Variants in CADM2 observed in about 807,000 individuals in gnomAD.
CADM2 encodes the protein cell adhesion molecule 2.
In CADM2, 12 loss-of-function variants were observed where a neutral mutation model predicts 49.8. That is an observed-to-expected ratio of 0.24 (90% CI 0.15 to 0.39). The LOEUF (loss-of-function observed/expected upper bound fraction) is 0.39, where lower values mean the gene tolerates loss of function less well. Among genes scored for constraint, CADM2 ranks in the 10% least tolerant of loss-of-function variants. CADM2 has a pLI of 1.00. For missense variants in CADM2, 378 were observed against 492.3 expected, an observed-to-expected ratio of 0.77 and a Z score of 2.20; for synonymous variants, 214 against 175.4, an observed-to-expected ratio of 1.22 and a Z score of -1.74.
intron 1 of CADM2, among the ~76,000 whole-genome samples, chr3:85,632,630 A>T (rs1308650221): frequency 2.0e-5 from 3 of 152,106 alleles, no homozygotes; most frequent in Non-Finnish European, 4.4e-5. Context: ...GAGGATGCTC[A>T]TGACAGCAAC....
intron 1 of CADM2, among the ~76,000 whole-genome samples, chr3:85,369,585 C>T (rs1313974705): frequency 6.6e-6 from 1 of 152,142 alleles, no homozygotes; most frequent in African/African-American, 2.4e-5. Flanking sequence ...GCCTGACCAA[C>T]ATGGAGAACC....
At chr3:85,808,124 A>G (rs1004389758) in intron 3 of CADM2, among the ~76,000 whole-genome samples, 3 of 152,208 alleles carry the variant, frequency 2.0e-5, no homozygotes, top group Admixed American at 6.5e-5. Flanking sequence ...TCGAAATTCA[A>G]TTACAATTCC....
intron 1 of CADM2, among the ~76,000 whole-genome samples, chr3:85,628,767 G>A (rs1263311316): frequency 1.3e-5 from 2 of 150,500 alleles, no homozygotes; most frequent in Non-Finnish European, 3.0e-5. Flanking sequence ...GCAAGAAATA[G>A]TAAAGGCTCA....
At chr3:85,724,073 A>G (rs1019807467) in intron 1 of CADM2, among the ~76,000 whole-genome samples, 1 of 152,048 alleles carries the variant, frequency 6.6e-6, no homozygotes, top group Non-Finnish European at 1.5e-5. Flanking sequence ...ATAATTTTAA[A>G]TTATTTTCAC....
At chr3:86,013,601 G>A (rs1325380061) in intron 8 of CADM2, 6 of 1,600,146 alleles carry the variant, frequency 3.7e-6, no homozygotes, top group Non-Finnish European at 5.1e-6. Context: ...TCAGGGAAGA[G>A]AGAGAATCAC....
At chr3:85,068,135 G>A (rs1391159525) in intron 1 of CADM2, among the ~76,000 whole-genome samples, 3 of 152,172 alleles carry the variant, frequency 2.0e-5, no homozygotes, top group Admixed American at 2.0e-4. Flanking sequence ...ATGTCCTGAT[G>A]TTGAGCAAGC....
At chr3:84,989,448 T>C (rs892027912) in intron 1 of CADM2, among the ~76,000 whole-genome samples, 2 of 152,120 alleles carry the variant, frequency 1.3e-5, no homozygotes, top group Non-Finnish European at 2.9e-5. Flanking sequence ...AGTAGCTGTT[T>C]TTTGTTCATT....
Position 85,198,810 on chromosome 3 carries a change from A to G in CADM2, c.61+239142A>G, listed in dbSNP as rs111437417. 4.6e-5 allele frequency among the ~76,000 whole-genome samples: 7 copies of G among 151,964 alleles called. 1 individual carries two copies. Among genetic ancestry groups the G allele is most frequent in the African/African-American group, 1.7e-4 (7 of 41,538 alleles). Reference sequence around the variant, plus strand: ...ATTGTTATGTCTCCAGTTTTTTTATAATTAACAATTTATGTTAAAAATGGT... The same window carrying G: ...ATTGTTATGTCTCCAGTTTTTTTATGATTAACAATTTATGTTAAAAATGGT... On this transcript the variant is annotated intron_variant, in intron 1 of 9. Coordinates refer to ENST00000383699, the MANE Select transcript of CADM2 (RefSeq NM_001167675.2).
At chr3:85,911,669 A>T (rs1289421376) in intron 5 of CADM2, among the ~76,000 whole-genome samples, 1 of 152,186 alleles carries the variant, frequency 6.6e-6, no homozygotes, top group African/African-American at 2.4e-5. Flanking sequence ...TTTTAGGCAT[A>T]GCCATATAGT....
intron 1 of CADM2, among the ~76,000 whole-genome samples, chr3:85,551,935 T>C (rs1342462157): frequency 6.6e-6 from 1 of 152,230 alleles, no homozygotes; most frequent in Non-Finnish European, 1.5e-5. Flanking sequence ...AAGGTGATGG[T>C]AATTCCTAAA....
intron 7 of CADM2, among the ~76,000 whole-genome samples, chr3:85,949,135 T>G (rs1049256258): frequency 4.0e-5 from 6 of 151,442 alleles, no homozygotes; most frequent in Admixed American, 1.3e-4. Flanking sequence ...GAGTCACTAG[T>G]GCAGTGTTTT....
At chr3:85,620,129 T>C (rs757989578) in intron 1 of CADM2, among the ~76,000 whole-genome samples, 10 of 152,126 alleles carry the variant, frequency 6.6e-5, no homozygotes, top group Non-Finnish European at 1.3e-4. Flanking sequence ...GTCAAGTCCT[T>C]GGGTACCAGA....
intron 1 of CADM2, among the ~76,000 whole-genome samples, chr3:85,020,437 CAT>C (rs1407752583): frequency 1.3e-5 from 2 of 152,022 alleles, no homozygotes; most frequent in Non-Finnish European, 2.9e-5. Flanking sequence ...GTATAATGAA[CAT>C]ATCAATCAAA....
At chr3:85,571,506 T>A (rs992158471) in intron 1 of CADM2, among the ~76,000 whole-genome samples, 38 of 152,156 alleles carry the variant, frequency 2.5e-4, no homozygotes, top group Non-Finnish European at 4.6e-4. Flanking sequence ...TGTATTTAAT[T>A]ATTGGATAAA....
intron 1 of CADM2, among the ~76,000 whole-genome samples, chr3:85,309,267 A>G (rs2044286950): frequency 6.6e-6 from 1 of 152,134 alleles, no homozygotes; most frequent in African/African-American, 2.4e-5. Context: ...GAATAAGAAT[A>G]CAAGCTAATT....
In CADM2 at chr3:85,208,439, G is replaced by A. The variant is rs116509428; in HGVS notation, c.61+248771G>A. Among the ~76,000 whole-genome samples the A allele has an allele frequency of 9.2e-3, 1,407 of 152,240 alleles. 20 individuals carry two copies. The highest frequency in any genetic ancestry group is 0.032 in the African/African-American group (1,341 of 41,548). On this transcript the variant is annotated intron_variant, in intron 1 of 9. Coordinates refer to ENST00000383699, the MANE Select transcript of CADM2 (RefSeq NM_001167675.2). ...CATACAGATGGATCGGAAACCAACA[G>A]TGAATTGAAAAATGCAAAGTTTTGC...
At chr3:85,855,888 A>G (rs921502069) in intron 3 of CADM2, among the ~76,000 whole-genome samples, 25 of 152,084 alleles carry the variant, frequency 1.6e-4, no homozygotes, top group African/African-American at 5.5e-4. Context: ...GGCCTCCGAA[A>G]GTGCTGGGAT....
At chr3:85,038,031 G>GT (rs1225729939) in intron 1 of CADM2, among the ~76,000 whole-genome samples, 3 of 152,098 alleles carry the variant, frequency 2.0e-5, no homozygotes, top group African/African-American at 7.2e-5. Flanking sequence ...AACAGAAAAA[G>GT]TTTTTTAAAA....
At chr3:85,364,688 A>G (rs970196137) in intron 1 of CADM2, among the ~76,000 whole-genome samples, 12 of 152,176 alleles carry the variant, frequency 7.9e-5, no homozygotes, top group Admixed American at 7.2e-4. Context: ...CAATCTTTGT[A>G]ATACAATGTT....
Sources: gnomAD v4.1 joint callset for allele counts (sites outside exome capture counted in the v4.1 genomes callset) on GRCh38, gnomAD v4.1.1 for gene constraint, MANE v1.5 for transcripts, NCBI Gene and HGNC (gene_info 2026-07-23, HGNC 2026-07-21) for gene names.